PRIM1: variants seen among roughly 807,000 people sequenced by gnomAD.
PRIM1 encodes DNA primase small subunit.
A neutral mutation model predicts 60.2 loss-of-function variants in PRIM1; 38 were observed. The observed-to-expected ratio is 0.63, with a 90% CI of 0.49 to 0.83. The LOEUF is 0.83. Among genes scored for constraint, PRIM1 ranks in the 40% least tolerant of loss-of-function variants. The probability of loss-of-function intolerance (pLI) is 0.00; values close to 1 mark genes in which losing one functional copy is unlikely to be tolerated. For missense variants in PRIM1, 388 were observed against 506.2 expected, an observed-to-expected ratio of 0.77 and a Z score of 2.24; for synonymous variants, 158 against 160.2, an observed-to-expected ratio of 0.99 and a Z score of 0.10.
intron 12 of PRIM1, among the ~76,000 whole-genome samples, chr12:56,732,667 AT>A (rs1343631415): frequency 6.6e-6 from 1 of 152,004 alleles, no homozygotes; most frequent in African/African-American, 2.4e-5. Context: ...CATATACTAG[AT>A]TAGCTGTACT....
rs956306689 is a variant in PRIM1, at chr12:56,735,795, C to T, written c.1145-1550G>A. Among the ~76,000 whole-genome samples the T allele has an allele frequency of 1.2e-4, 18 of 150,832 alleles. 1 individual carries two copies. Among genetic ancestry groups the T allele is most frequent in the Admixed American group, 1.1e-3 (16 of 15,142 alleles). Reference sequence around the variant, plus strand: ...CCTCCCGAGTAGCTAGGATTATAGGCGCCCGCCACGACGCCCAGATAATTT... The same window carrying T: ...CCTCCCGAGTAGCTAGGATTATAGGTGCCCGCCACGACGCCCAGATAATTT... On this transcript the variant is annotated intron_variant, in intron 11 of 12. Transcript: ENST00000338193.
At chr12:56,735,202 G>T (rs993495887) in intron 11 of PRIM1, among the ~76,000 whole-genome samples, 4 of 151,494 alleles carry the variant, frequency 2.6e-5, no homozygotes, top group Non-Finnish European at 4.4e-5. Context: ...GAGTTCAAGC[G>T]ATTCTCCTGC....
At chr12:56,747,169 T>TG in intron 2 of PRIM1, 137 bp from the exon 3 acceptor site, 1 of 669,818 alleles carries the variant, frequency 1.5e-6, no homozygotes, top group East Asian at 2.7e-5. Flanking sequence ...CAGTGAAAGT[T>TG]CATTATTTTG....
intron 11 of PRIM1, among the ~76,000 whole-genome samples, chr12:56,734,476 T>C (rs1472696942): frequency 1.3e-5 from 2 of 152,054 alleles, no homozygotes; most frequent in Non-Finnish European, 2.9e-5. Flanking sequence ...CTTGGCTCAC[T>C]GCAGCCTCGA....
intron 2 of PRIM1, among the ~76,000 whole-genome samples, chr12:56,750,793 C>T (rs1592336755): frequency 6.6e-6 from 1 of 152,216 alleles, no homozygotes; most frequent in East Asian, 1.9e-4. Flanking sequence ...ACTTCCTCTT[C>T]CTAGTAGCTA....
Position 56,752,291 on chromosome 12 carries a change from G to C in PRIM1, c.8C>G (p.Thr3Arg). METFDPTELPELL... is the reference protein window; with the variant it reads MERFDPTELPELL... ...CTCGGGCAGCTCGGTGGGGTCAAAC[G>C]TCTCCATTGAGCGCGGAACTCGCCA... The change falls in exon 1 of 13, where the codon ACG becomes AGG. Residue 3 changes from threonine (T) to arginine (R), a missense_variant. Thr to Arg is a moderately conservative substitution (Grantham distance 71, BLOSUM62 -1). Around this residue, in one of 3 missense-constraint regions of PRIM1, gnomAD observed 156 missense variants for 175.8 expected, o/e 0.89. Transcript: ENST00000338193. 6.3e-7 allele frequency: 1 copy of C among 1,579,866 alleles called. No homozygotes were observed. Among genetic ancestry groups the C allele is most frequent in the East Asian group, 2.3e-5 (1 of 42,968 alleles).
At position 56,734,157 on chromosome 12, in the gene PRIM1, A is replaced by C. The variant is rs1224236754; in HGVS notation, c.1233T>G (p.Leu411=). 6.3e-7 allele frequency: 1 copy of C among 1,597,446 alleles called. No individual in the cohort carries two copies. Among genetic ancestry groups the C allele is most frequent in the South Asian group, 1.1e-5 (1 of 90,524 alleles). The part of the protein sequence containing the change: ...NLDKSRKGEL[L]KKSDLQKDF Reference sequence around the variant, plus strand: ...GGCATAGCGTCTTACCACTCTTCTTAAGAAGTTCTCCTTTTCGGGATTTAT... The same window carrying C: ...GGCATAGCGTCTTACCACTCTTCTTCAGAAGTTCTCCTTTTCGGGATTTAT... The change falls in exon 12 of 13, where the codon CTT becomes CTG. Residue 411 remains leucine (L), a synonymous_variant. Coordinates refer to ENST00000338193, the MANE Select transcript of PRIM1 (RefSeq NM_000946.3).
chr12:56,733,277 C>T (rs1241519081), intron 12 of PRIM1, among the ~76,000 whole-genome samples: 2 of 151,662 alleles, frequency 1.3e-5, no homozygotes, highest in Non-Finnish European at 2.9e-5. Context: ...CCTGCCTCAG[C>T]CTCCCTAGTA....
rs1209961856 is a variant in PRIM1 at position 56,752,313 on chromosome 12, G to T, written c.-15C>A. The T allele has an allele frequency of 1.9e-6, 3 of 1,540,478 alleles. No homozygotes were observed. Among genetic ancestry groups the T allele is most frequent in the Admixed American group, 1.9e-5 (1 of 52,008 alleles). On this transcript the variant is annotated 5_prime_UTR_variant, in exon 1 of 13. Transcript: ENST00000338193. ...AACGTCTCCATTGAGCGCGGAACTC[G>T]CCACGGTAAGGATTACCACAGGAAT...
intron 12 of PRIM1, among the ~76,000 whole-genome samples, chr12:56,732,708 T>C (rs971128858): frequency 2.0e-5 from 3 of 152,098 alleles, no homozygotes; most frequent in Non-Finnish European, 2.9e-5. Flanking sequence ...AACTGGATGC[T>C]TTCCTGTCTG....
intron 11 of PRIM1, among the ~76,000 whole-genome samples, chr12:56,737,026 C>T (rs1953838280): frequency 6.6e-6 from 1 of 151,926 alleles, no homozygotes; most frequent in African/African-American, 2.4e-5. Flanking sequence ...GCTCCTCTTG[C>T]CTCGGCCTCC....
intron 2 of PRIM1, among the ~76,000 whole-genome samples, chr12:56,747,393 A>AT (rs1032808767): frequency 3.6e-5 from 5 of 139,820 alleles, no homozygotes; most frequent in African/African-American, 1.0e-4. Context: ...GTATTTAAAA[A>AT]TTTTTCAATA....
intron 11 of PRIM1, among the ~76,000 whole-genome samples, chr12:56,737,288 T>G (rs1953839874): frequency 6.6e-6 from 1 of 151,880 alleles, no homozygotes; most frequent in South Asian, 2.1e-4. Flanking sequence ...GCAAAAATTG[T>G]CTTCCACAAA....
intron 12 of PRIM1, among the ~76,000 whole-genome samples, chr12:56,732,017 A>ACTTGGTGTGTCTAG (rs1953788600): frequency 1.3e-5 from 2 of 152,206 alleles, no homozygotes; most frequent in Non-Finnish European, 2.9e-5. Context: ...TACTGAGTAG[A>ACTTGGTGTGTCTAG]GCATTATCTT....
chr12:56,734,598 G>A (rs1450691682), intron 11 of PRIM1, among the ~76,000 whole-genome samples: 1 of 148,616 alleles, frequency 6.7e-6, no homozygotes, highest in Admixed American at 6.8e-5. Context: ...TTGTAGAGAC[G>A]AGGTCTCACT....
intron 2 of PRIM1, among the ~76,000 whole-genome samples, chr12:56,747,846 G>A (rs533717452): frequency 1.3e-5 from 2 of 152,220 alleles, no homozygotes; most frequent in Non-Finnish European, 2.9e-5. Context: ...ATCTTAGGCT[G>A]TCAGTAAGGA....
chr12:56,731,730 T>G lies in PRIM1; in HGVS notation c.1248A>C (p.Leu416Phe), dbSNP rs1953786947. 1 of 1,513,026 alleles carries G rather than the reference T, an allele frequency of 6.6e-7. No homozygotes were observed. The highest frequency in any genetic ancestry group is 1.4e-5 in the African/African-American group (1 of 71,822). 93.7% of individuals were successfully genotyped at this position (1,513,026 alleles called of 1,614,324 possible). ...AGCTCTGTCTTCAGAAATCTTTTTG[T>G]AAATCTAAAATAGAATAGATAATAT... ...RKGELLKKSD[L>F]QKDF Residue 416 changes from leucine to phenylalanine, a missense_variant, in exon 13 of 13, where the codon TTA becomes TTC. This residue lies in a region of PRIM1 where 211 missense variants were observed against 277.9 expected (regional missense o/e 0.76). Transcript: ENST00000338193.
intron 2 of PRIM1, among the ~76,000 whole-genome samples, chr12:56,747,721 G>A (rs1953918270): frequency 6.6e-6 from 1 of 152,142 alleles, no homozygotes; most frequent in Admixed American, 6.6e-5. Context: ...CTCCAGCCTG[G>A]GTGACAGAGC....
At chr12:56,737,473 C>T (rs1953841237) in intron 11 of PRIM1, among the ~76,000 whole-genome samples, 1 of 151,782 alleles carries the variant, frequency 6.6e-6, no homozygotes, top group African/African-American at 2.4e-5. Context: ...CCTCTGCCTT[C>T]CGAGCAGCTG....
Sources: gnomAD v4.1 joint callset for allele counts (sites outside exome capture counted in the v4.1 genomes callset) on GRCh38, gnomAD v4.1.1 for gene constraint, gnomAD v4.1.1 regional missense constraint, MANE v1.5 for transcripts, NCBI Gene and HGNC (gene_info 2026-07-23, HGNC 2026-07-21) for gene names.